Variants in RBM18 observed in about 807,000 individuals in gnomAD.
RBM18 encodes RNA binding motif protein 18, also known as probable RNA-binding protein 18.
RBM18 carries 18 observed loss-of-function variants against 26.4 expected under a neutral mutation model. The ratio of observed to expected loss-of-function variants is 0.68; its 90% confidence interval spans 0.47 to 1.01. The LOEUF is 1.01. RBM18 is among the 50% of genes least tolerant of loss of function. The pLI, the probability that RBM18 is intolerant of heterozygous loss-of-function variation, is 0.00. For synonymous variants in RBM18, 74 were observed against 81.1 expected (o/e 0.91, Z 0.47); for missense variants, 180 against 219.2 (o/e 0.82, Z 1.13).
intron 2 of RBM18, among the ~76,000 whole-genome samples, chr9:122,255,373 G>A (rs1395683313): frequency 2.0e-5 from 3 of 152,160 alleles, no homozygotes; most frequent in Admixed American, 2.0e-4. Flanking sequence ...TGAACACACT[G>A]TTCTTGCATG....
intron 1 of RBM18, among the ~76,000 whole-genome samples, chr9:122,263,409 A>G (rs1476994478): frequency 1.3e-5 from 2 of 152,336 alleles, no homozygotes; most frequent in Middle Eastern, 3.4e-3. Flanking sequence ...CAGGGGAGAC[A>G]CATTTTTGTC....
In RBM18 at chr9:122,253,638, C is replaced by T. The variant is rs114596172; in HGVS notation, c.114-1665G>A. Among the ~76,000 whole-genome samples, 609 of 151,658 alleles carry T rather than the reference C, an allele frequency of 4.0e-3. 6 individuals carry two copies. The highest frequency in any genetic ancestry group is 0.014 in the African/African-American group (585 of 41,314). On this transcript the variant is annotated intron_variant, in intron 2 of 5. Transcript: ENST00000417201. ...AGTCTCCCCCAGGGTCTTTAATTCACAGCTGTATCTTCAAATTACTAAGCC... is the reference window on the plus strand; with the variant it reads ...AGTCTCCCCCAGGGTCTTTAATTCATAGCTGTATCTTCAAATTACTAAGCC...
chr9:122,252,965 CA>C (rs1434487156), intron 2 of RBM18, among the ~76,000 whole-genome samples: 1 of 152,190 alleles, frequency 6.6e-6, no homozygotes, highest in East Asian at 1.9e-4. Flanking sequence ...GGGGGTGAGA[CA>C]AACCAACAGC....
At chr9:122,251,810 T>C in intron 3 of RBM18, 37 bp downstream of exon 3, 1 of 1,592,590 alleles carries the variant, frequency 6.3e-7, no homozygotes. Context: ...TGACAGAGCT[T>C]GATAAATATT....
At chr9:122,245,431 A>ACT in intron 4 of RBM18, 90 bp from the exon 5 acceptor site, 7 of 740,846 alleles carry the variant, frequency 9.4e-6, no homozygotes, top group Non-Finnish European at 1.7e-5. Flanking sequence ...TACCATCAGT[A>ACT]TATCATCAGC....
intron 2 of RBM18, among the ~76,000 whole-genome samples, chr9:122,256,375 C>G (rs748549896): frequency 6.6e-6 from 1 of 152,170 alleles, no homozygotes. Context: ...GGGCTTTGTT[C>G]TCTTTCATAC....
intron 2 of RBM18, among the ~76,000 whole-genome samples, chr9:122,252,678 C>A (rs1350101013): frequency 1.3e-5 from 2 of 152,178 alleles, no homozygotes; most frequent in Non-Finnish European, 2.9e-5. Context: ...TATAAATCAC[C>A]CAGCTATGGG....
At chr9:122,258,482 T>C in intron 2 of RBM18, among the ~76,000 whole-genome samples, 1 of 152,164 alleles carries the variant, frequency 6.6e-6, no homozygotes. Flanking sequence ...TTGGCTAGGA[T>C]GGTCTCGATT....
At chr9:122,242,962 G>A (rs549408515) in intron 5 of RBM18, among the ~76,000 whole-genome samples, 1 of 152,208 alleles carries the variant, frequency 6.6e-6, no homozygotes, top group Admixed American at 6.5e-5. Context: ...AAGTAGCCGG[G>A]ATTACAGGTA....
At chr9:122,243,751 C>T in intron 5 of RBM18, 1 of 985,318 alleles carries the variant, frequency 1.0e-6, no homozygotes, top group Non-Finnish European at 1.2e-6. Context: ...TACCGAGATG[C>T]ATTCTGGCCC....
intron 3 of RBM18, among the ~76,000 whole-genome samples, chr9:122,250,789 CAG>C (rs1439452735): frequency 1.3e-5 from 2 of 152,038 alleles, no homozygotes; most frequent in Non-Finnish European, 2.9e-5. Context: ...TAAGTGTTAA[CAG>C]TGATTATTTC....
At position 122,241,898 on chromosome 9, in the gene RBM18, T is replaced by C. The variant is rs1831427196; in HGVS notation, c.559A>G (p.Lys187Glu). The C allele has an allele frequency of 1.2e-6, 2 of 1,611,536 alleles. No individual in the cohort carries two copies. The highest frequency in any genetic ancestry group is 8.5e-7 in the Non-Finnish European group (1 of 1,179,394). Residue 187 changes from lysine to glutamate, a missense_variant, in exon 6 of 6, where the codon AAA becomes GAA. Coordinates refer to ENST00000417201, the MANE Select transcript of RBM18 (RefSeq NM_033117.4). ...ATTCACAACCATCATCTTCGAGATT[T>C]CCATGCTGTTCTAGAATATGGAGTA... Reference protein sequence around the residue: ...RTTPYSRTAWKSRR With the variant: ...RTTPYSRTAWESRR
chr9:122,243,613 G>A (rs542975225), intron 5 of RBM18: 25 of 545,604 alleles, frequency 4.6e-5, no homozygotes, highest in African/African-American at 4.5e-4. Context: ...TTCTTGATGC[G>A]TTAATGGTCT....
Position 122,240,421 on chromosome 9 carries a change from T to C in RBM18, c.*1463A>G, listed in dbSNP as rs1340949389. 6.6e-6 allele frequency: 1 copy of C among 152,262 alleles called. No individual in the cohort carries two copies. Among genetic ancestry groups the C allele is most frequent in the Non-Finnish European group, 1.5e-5 (1 of 68,042 alleles). The allele number at this position is 152,262 out of a possible 1,614,324, so 9.4% of individuals were successfully genotyped here. On this transcript the variant is annotated 3_prime_UTR_variant, in exon 6 of 6. Transcript: ENST00000417201. ...AAAGAATTTCCTTAAACCAGTTTTA[T>C]GAATTCTAAAACCTCCCTCTACTGA...
rs1402178688 is a variant in RBM18 at position 122,241,839 on chromosome 9, G to A, written c.*45C>T. 3.8e-6 allele frequency: 6 copies of A among 1,576,498 alleles called. No homozygotes were observed. The highest frequency in any genetic ancestry group is 1.4e-5 in the African/African-American group (1 of 73,774). ...AAAGTACACAGGCAGACGATTTTAGGTGTGGAGACCAATTTGCTTTTGCTG... is the reference window on the plus strand; with the variant it reads ...AAAGTACACAGGCAGACGATTTTAGATGTGGAGACCAATTTGCTTTTGCTG... On this transcript the variant is annotated 3_prime_UTR_variant, in exon 6 of 6. Transcript: ENST00000417201.
intron 3 of RBM18, among the ~76,000 whole-genome samples, chr9:122,249,593 C>T (rs1208851311): frequency 2.0e-5 from 3 of 151,566 alleles, no homozygotes. Context: ...CCTGTGGTCC[C>T]AACTACTTGG....
intron 3 of RBM18, among the ~76,000 whole-genome samples, chr9:122,249,394 C>G (rs1051831310): frequency 2.0e-5 from 3 of 152,158 alleles, no homozygotes; most frequent in African/African-American, 7.2e-5. Flanking sequence ...CTATGCCCAA[C>G]ATGATCACTG....
chr9:122,256,059 C>G (rs1445806922), intron 2 of RBM18, among the ~76,000 whole-genome samples: 1 of 152,020 alleles, frequency 6.6e-6, no homozygotes, highest in Admixed American at 6.6e-5. Context: ...ACAACAACAA[C>G]AACAACAAAA....
intron 3 of RBM18, among the ~76,000 whole-genome samples, chr9:122,251,253 A>G (rs1253606664): frequency 2.6e-5 from 4 of 152,226 alleles, no homozygotes; most frequent in Non-Finnish European, 5.9e-5. Context: ...GAATAAATTT[A>G]TAAGTACTAT....
Sources: gnomAD v4.1 joint callset for allele counts (sites outside exome capture counted in the v4.1 genomes callset) on GRCh38, gnomAD v4.1.1 for gene constraint, MANE v1.5 for transcripts, NCBI Gene and HGNC (gene_info 2026-07-23, HGNC 2026-07-21) for gene names.